GFOD1: variants seen among roughly 807,000 people sequenced by gnomAD.
The protein encoded by GFOD1 is glucose-fructose oxidoreductase domain-containing protein 1.
GFOD1 carries 9 observed loss-of-function variants against 25.4 expected under a neutral mutation model. The observed-to-expected ratio is 0.35, with a 90% CI of 0.21 to 0.62. The LOEUF (loss-of-function observed/expected upper bound fraction) is 0.62, where lower values mean the gene tolerates loss of function less well. GFOD1 is among the 20% of genes least tolerant of loss of function. GFOD1 has a pLI of 0.72. For synonymous variants in GFOD1, 253 were observed against 245.6 expected (o/e 1.03, Z -0.28); for missense variants, 403 against 556.9 (o/e 0.72, Z 2.78).
At chr6:13,399,571 T>C (rs1227821274) in intron 1 of GFOD1, among the ~76,000 whole-genome samples, 1 of 152,140 alleles carries the variant, frequency 6.6e-6, no homozygotes, top group Non-Finnish European at 1.5e-5. Flanking sequence ...TACTGAGACA[T>C]GCAACAATAT....
intron 1 of GFOD1, chr6:13,470,654 G>A (rs1250863741): frequency 2.1e-6 from 3 of 1,448,902 alleles, no homozygotes; most frequent in Admixed American, 5.9e-5. Context: ...AGAAGAGACA[G>A]AGAAGAGGAA....
chr6:13,480,951 T>A (rs1234464821), intron 1 of GFOD1, among the ~76,000 whole-genome samples: 1 of 152,196 alleles, frequency 6.6e-6, no homozygotes. Context: ...TCAGTGAAAA[T>A]GCATTCATTT....
intron 1 of GFOD1, among the ~76,000 whole-genome samples, chr6:13,454,526 C>A (rs1013736210): frequency 6.6e-6 from 1 of 152,116 alleles, no homozygotes; most frequent in Non-Finnish European, 1.5e-5. Context: ...TACTTCCTGG[C>A]CTTTCAGTAG....
intron 1 of GFOD1, among the ~76,000 whole-genome samples, chr6:13,404,976 C>G (rs920162370): frequency 1.3e-5 from 2 of 152,174 alleles, no homozygotes; most frequent in Non-Finnish European, 2.9e-5. Context: ...CAGTGCACCA[C>G]AAGCCCCACC....
chr6:13,465,165 G>C (rs771852463), intron 1 of GFOD1, among the ~76,000 whole-genome samples: 134 of 151,790 alleles, frequency 8.8e-4, no homozygotes, highest in Non-Finnish European at 1.7e-3. Context: ...GCTTCCCTGG[G>C]CCACATTGGA....
intron 1 of GFOD1, among the ~76,000 whole-genome samples, chr6:13,406,985 C>T (rs1023185545): frequency 4.6e-5 from 7 of 152,196 alleles, no homozygotes; most frequent in Non-Finnish European, 1.0e-4. Flanking sequence ...TCTCCCTTGC[C>T]ATTAAGTGTG....
At chr6:13,390,808 G>A (rs1381721442) in intron 1 of GFOD1, among the ~76,000 whole-genome samples, 1 of 150,528 alleles carries the variant, frequency 6.6e-6, no homozygotes, top group Non-Finnish European at 1.5e-5. Flanking sequence ...AGGAAGGAAG[G>A]AAGGAAGGAA....
rs1784992732 is a variant in GFOD1, at chr6:13,364,104, C to CA, written c.*638dup. ...CAGGTGAAGGGCAATGAACCAAGTA[C>CA]AAAGACACACCCTCAGTGCTTCCTA... On this transcript the variant is annotated 3_prime_UTR_variant, in exon 2 of 2. Coordinates refer to ENST00000379287, the MANE Select transcript of GFOD1 (RefSeq NM_018988.4). This position sits in a 1 kb window ranked among gnomAD's most constrained non-coding sequence, Gnocchi z 4.1. 6.6e-6 allele frequency: 1 copy of CA among 152,330 alleles called. No homozygotes were observed. Among genetic ancestry groups the CA allele is most frequent in the South Asian group, 2.1e-4 (1 of 4,832 alleles). The allele number at this position is 152,330 out of a possible 1,614,324, so 9.4% of individuals were successfully genotyped here.
At chr6:13,422,260 C>T (rs1166019515) in intron 1 of GFOD1, among the ~76,000 whole-genome samples, 1 of 152,172 alleles carries the variant, frequency 6.6e-6, no homozygotes, top group East Asian at 1.9e-4. Context: ...GTTGCAAAAA[C>T]CCCAAGTGGA....
rs1491242341 is a variant in GFOD1 at position 13,477,213 on chromosome 6, G to GC, written c.253+9424_253+9425insG. On this transcript the variant is annotated intron_variant, in intron 1 of 1. Transcript: ENST00000379287. ...GTTCACCAGAGAAACAGAACCAATA[G>GC]GGGGTGTGTGTGTGTGTGTGTGTGT... Among the ~76,000 whole-genome samples the GC allele has an allele frequency of 2.0e-4, 9 of 45,914 alleles. No homozygotes were observed. The Admixed American group carries it at 2.7e-3, about 14-fold the overall frequency. The allele number at this position is 45,914 out of a possible 152,430, so 30.1% of individuals were successfully genotyped here.
rs1030714980 is a variant in GFOD1 at position 13,359,817 on chromosome 6, T to TGC, written c.*4924_*4925dup. ...CAAAAATTAGCCGGGCATGGTGGCG[T>TGC]GCGTCTGTAATCCCAGCTACTCAGG... On this transcript the variant is annotated 3_prime_UTR_variant, in exon 2 of 2. Transcript: ENST00000379287. 5 of 151,956 alleles carry TGC rather than the reference T, an allele frequency of 3.3e-5. No homozygotes were observed. Among genetic ancestry groups the TGC allele is most frequent in the Non-Finnish European group, 7.3e-5 (5 of 68,062 alleles). The allele number at this position is 151,956 out of a possible 1,614,324, so 9.4% of individuals were successfully genotyped here.
In GFOD1 at chr6:13,360,421, T is replaced by A; in HGVS notation, c.*4322A>T. On this transcript the variant is annotated 3_prime_UTR_variant, in exon 2 of 2. Transcript: ENST00000379287. ...AGTAGGGGTGCAAAGAAAGGTGCAGTGCACAGCTAAAATTGGAGTGACAAA... is the reference window on the plus strand; with the variant it reads ...AGTAGGGGTGCAAAGAAAGGTGCAGAGCACAGCTAAAATTGGAGTGACAAA... 2.9e-6 allele frequency: 1 copy of A among 345,148 alleles called. No homozygotes were observed. The highest frequency in any genetic ancestry group is 1.1e-3 in the Middle Eastern group (1 of 944). 21.4% of individuals were successfully genotyped at this position (345,148 alleles called of 1,614,324 possible).
In GFOD1 at chr6:13,365,709, G is replaced by A. The variant is rs774042895; in HGVS notation, c.254-47C>T. 1.1e-5 allele frequency: 14 copies of A among 1,296,184 alleles called. No individual in the cohort carries two copies. In the East Asian group the frequency reaches 1.6e-4, roughly 15 times the overall value. The allele number at this position is 1,296,184 out of a possible 1,614,324, so 80.3% of individuals were successfully genotyped here. A position where few individuals can be genotyped will look rare whatever the true frequency, so the allele number is the denominator to read the frequency against. ...CGGTCAGCGGGGCAGGACCATGTCC[G>A]AGCGCGCGTCCCTGGGTCAGATCTT... On this transcript the variant is annotated intron_variant, in intron 1 of 1. Coordinates refer to ENST00000379287, the MANE Select transcript of GFOD1 (RefSeq NM_018988.4). The surrounding 1 kb of genome is among the most constrained non-coding windows in gnomAD (Gnocchi z 9.2).
chr6:13,423,559 C>T (rs1786297024), intron 1 of GFOD1, among the ~76,000 whole-genome samples: 1 of 152,224 alleles, frequency 6.6e-6, no homozygotes, highest in Non-Finnish European at 1.5e-5. Flanking sequence ...GCAAGCGGCT[C>T]TCCATGAGTG....
intron 1 of GFOD1, among the ~76,000 whole-genome samples, chr6:13,475,111 C>G (rs748775607): frequency 6.6e-6 from 1 of 152,008 alleles, no homozygotes; most frequent in Non-Finnish European, 1.5e-5. Flanking sequence ...GACAAACAAC[C>G]CAATTTAAAA....
chr6:13,485,953 C>T (rs1758855193), intron 1 of GFOD1: 1 of 855,062 alleles, frequency 1.2e-6, no homozygotes, highest in Non-Finnish European at 1.4e-6. Context: ...ACCTATGACG[C>T]CTCTGAAAAC....
chr6:13,376,101 C>A (rs1019251370), intron 1 of GFOD1, among the ~76,000 whole-genome samples: 2 of 152,196 alleles, frequency 1.3e-5, no homozygotes, highest in South Asian at 2.1e-4. Context: ...AACCAAGAGA[C>A]CTTCCAAGCT....
intron 1 of GFOD1, among the ~76,000 whole-genome samples, chr6:13,424,956 C>CTTT (rs571287840): frequency 0.052 from 6,411 of 123,722 alleles, 640 homozygotes; most frequent in African/African-American, 0.19. Context: ...ACATTTAATT[C>CTTT]TTTTTTTTTT....
chr6:13,388,736 C>A (rs1024294832), intron 1 of GFOD1, among the ~76,000 whole-genome samples: 3 of 152,082 alleles, frequency 2.0e-5, no homozygotes, highest in Non-Finnish European at 4.4e-5. Context: ...CCAAAAGCAA[C>A]GGCAACAAAA....
Sources: allele counts gnomAD v4.1 joint callset (sites outside exome capture counted in the v4.1 genomes callset), GRCh38; gene constraint gnomAD v4.1.1; non-coding constraint Gnocchi (gnomAD v3.1); transcripts MANE v1.5; gene names NCBI Gene and HGNC (gene_info 2026-07-23, HGNC 2026-07-21).